Variants in ARHGEF4 observed in about 807,000 individuals in gnomAD.
ARHGEF4 encodes the protein APC-stimulated guanine nucleotide exchange factor 1.
Under a neutral mutation model 162.0 loss-of-function variants are expected in ARHGEF4, and 119 were observed. That is an observed-to-expected ratio of 0.73 (90% CI 0.63 to 0.86). The LOEUF is 0.86. Ranked by LOEUF, ARHGEF4 falls within the 40% of genes least tolerant of loss-of-function variation. The pLI is 0.00. For missense variants in ARHGEF4, 2,488 were observed against 2,456.0 expected (o/e 1.01, Z -0.28); for synonymous variants, 1,014 against 979.9 (o/e 1.03, Z -0.65).
intron 3 of ARHGEF4, among the ~76,000 whole-genome samples, chr2:130,943,213 C>T (rs1046458841): frequency 6.6e-6 from 1 of 151,982 alleles, no homozygotes; most frequent in African/African-American, 2.4e-5. Context: ...CTTCTGTGTC[C>T]TTGGTAATTT....
At chr2:130,955,285 A>G (rs1277815529) in intron 4 of ARHGEF4, among the ~76,000 whole-genome samples, 1 of 152,124 alleles carries the variant, frequency 6.6e-6, no homozygotes, top group Non-Finnish European at 1.5e-5. Context: ...TCTCACAGGC[A>G]GTTTCTATTG....
At chr2:130,841,559 C>G (rs776584296) in intron 1 of ARHGEF4, among the ~76,000 whole-genome samples, 2 of 152,104 alleles carry the variant, frequency 1.3e-5, no homozygotes, top group Non-Finnish European at 2.9e-5. Flanking sequence ...CATCCTCTGT[C>G]GTGCCAGCCT....
chr2:130,986,945 A>G (rs1686549183), intron 4 of ARHGEF4, among the ~76,000 whole-genome samples: 1 of 152,156 alleles, frequency 6.6e-6, no homozygotes, highest in South Asian at 2.1e-4. Flanking sequence ...GGAGGACCAC[A>G]ATCTCGCCCT....
intron 4 of ARHGEF4, among the ~76,000 whole-genome samples, chr2:130,975,668 T>C (rs1685654667): frequency 6.6e-6 from 1 of 152,228 alleles, no homozygotes; most frequent in African/African-American, 2.4e-5. Context: ...ACCCCACTTC[T>C]ACAGAACTGT....
In ARHGEF4 at chr2:130,915,780, G is replaced by A. The variant is rs1395195226; in HGVS notation, c.1834G>A (p.Gly612Arg). Residue 612 changes from glycine to arginine, a missense_variant, in exon 2 of 14, where the codon GGG becomes AGG. Around this residue, in one of 6 missense-constraint regions of ARHGEF4, gnomAD observed 1,642 missense variants for 1,481.5 expected, o/e 1.11. Transcript: ENST00000409359. ...EEGEQGPGGA[G>R]GRQLEPKAGG... ...GGGTGAACAGGGGCCTGGGGGTGCC[G>A]GGGGCCGGCAGCTGGAGCCCAAAGC... 2 of 1,519,894 alleles carry A rather than the reference G, an allele frequency of 1.3e-6. No homozygotes were observed. The highest frequency in any genetic ancestry group is 1.3e-5 in the South Asian group (1 of 79,686). The allele number at this position is 1,519,894 out of a possible 1,614,324, so 94.2% of individuals were successfully genotyped here.
chr2:130,947,924 T>C (rs192222586), intron 4 of ARHGEF4, among the ~76,000 whole-genome samples: 3 of 152,268 alleles, frequency 2.0e-5, no homozygotes, highest in East Asian at 3.9e-4. Flanking sequence ...AAATCTGGTG[T>C]TGAAGAAAGA....
chr2:131,009,980 T>C (rs781495382), intron 4 of ARHGEF4, among the ~76,000 whole-genome samples: 3 of 151,992 alleles, frequency 2.0e-5, no homozygotes, highest in Non-Finnish European at 4.4e-5. Context: ...GTTTTGTTTT[T>C]TCCGACCTTT....
chr2:130,952,057 A>C (rs1198686136), intron 4 of ARHGEF4, among the ~76,000 whole-genome samples: 1 of 152,198 alleles, frequency 6.6e-6, no homozygotes, highest in East Asian at 1.9e-4. Flanking sequence ...TGTTAAGAGA[A>C]GAAAGGAGAA....
In ARHGEF4 at chr2:131,010,623, A is replaced by G. The variant is rs146224164; in HGVS notation, c.3986-17322A>G. On this transcript the variant is annotated intron_variant, in intron 4 of 13. Coordinates refer to ENST00000409359, the MANE Select transcript of ARHGEF4 (RefSeq NM_001367493.1). ...ACTTTGGACAGCATTGCATGCTACT[A>G]ATGTCCACATTGGTGGTTCCTGGTA... 2.2e-3 allele frequency among the ~76,000 whole-genome samples: 341 copies of G among 152,308 alleles called. 4 individuals carry two copies. The highest frequency in any genetic ancestry group is 7.7e-3 in the African/African-American group (321 of 41,552).
At chr2:131,039,313 G>A (rs954934704) in intron 6 of ARHGEF4, 58 of 1,234,318 alleles carry the variant, frequency 4.7e-5, no homozygotes, top group Admixed American at 1.2e-4. Flanking sequence ...AACTCCAGGC[G>A]CTAGACATTT....
intron 4 of ARHGEF4, 70 bp downstream of exon 4, chr2:130,946,705 G>T: frequency 1.3e-6 from 2 of 1,597,848 alleles, no homozygotes; most frequent in South Asian, 1.1e-5. Flanking sequence ...AGCTAGTGCT[G>T]TTGGCAGCTG....
chr2:130,853,410 T>C (rs1681548756), intron 1 of ARHGEF4, among the ~76,000 whole-genome samples: 1 of 152,148 alleles, frequency 6.6e-6, no homozygotes, highest in South Asian at 2.1e-4. Context: ...CCAGGTGAGG[T>C]CTAGACAAGG....
Position 130,940,797 on chromosome 2 carries a change from AC to A in ARHGEF4, c.3859-5711del, listed in dbSNP as rs1396743419. ...CAGTGAGCCGAGACTGCGCCACTGC[AC>A]TCTAGCCTGGGTGACAGAGCGAGAC... On this transcript the variant is annotated intron_variant, in intron 3 of 13. Coordinates refer to ENST00000409359, the MANE Select transcript of ARHGEF4 (RefSeq NM_001367493.1). Among the ~76,000 whole-genome samples the A allele has an allele frequency of 2.1e-5, 3 of 145,856 alleles. No individual in the cohort carries two copies. The East Asian group carries it at 6.2e-4, about 30-fold the overall frequency.
chr2:130,926,048 C>CTTTCTTTCTCTCTCTTTCTTTCTT, intron 2 of ARHGEF4, among the ~76,000 whole-genome samples: 1 of 53,412 alleles, frequency 1.9e-5, no homozygotes, highest in Non-Finnish European at 3.8e-5. Flanking sequence ...TTCTTTCTTT[C>CTTTCTTTCTCTCTCTTTCTTTCTT]TCTTTCTTTC....
chr2:130,960,602 G>A (rs1296150186), intron 4 of ARHGEF4, among the ~76,000 whole-genome samples: 1 of 152,168 alleles, frequency 6.6e-6, no homozygotes, highest in Non-Finnish European at 1.5e-5. Flanking sequence ...ATATGTAAAT[G>A]TACCTAAATG....
chr2:130,869,844 T>A (rs1678340608), intron 1 of ARHGEF4, among the ~76,000 whole-genome samples: 1 of 152,188 alleles, frequency 6.6e-6, no homozygotes, highest in East Asian at 1.9e-4. Flanking sequence ...GTTTTCGGTG[T>A]TAAGCTTGGG....
chr2:130,852,960 G>A (rs957191456), intron 1 of ARHGEF4, among the ~76,000 whole-genome samples: 1 of 152,228 alleles, frequency 6.6e-6, no homozygotes, highest in African/African-American at 2.4e-5. Context: ...CAGACTGATC[G>A]CCCTGGGTGG....
At chr2:131,004,569 T>C (rs1558838616) in intron 4 of ARHGEF4, among the ~76,000 whole-genome samples, 3 of 152,100 alleles carry the variant, frequency 2.0e-5, no homozygotes. Flanking sequence ...CCAAGCCCAC[T>C]TGGTGGCAGA....
At chr2:131,025,803 A>G (rs1689442872) in intron 4 of ARHGEF4, among the ~76,000 whole-genome samples, 2 of 152,178 alleles carry the variant, frequency 1.3e-5, no homozygotes, top group African/African-American at 4.8e-5. Context: ...AGAGTAAGAT[A>G]AGAGTCATGG....
Sources: gnomAD v4.1 joint callset for allele counts (sites outside exome capture counted in the v4.1 genomes callset) on GRCh38, gnomAD v4.1.1 for gene constraint, gnomAD v4.1.1 regional missense constraint, MANE v1.5 for transcripts, NCBI Gene and HGNC (gene_info 2026-07-23, HGNC 2026-07-21) for gene names.